The following EPB41L3 variants were observed in gnomAD, a reference collection of about 807,000 sequenced individuals.
The protein encoded by EPB41L3 is band 4.1-like protein 3.
In EPB41L3, 57 loss-of-function variants were observed where a neutral mutation model predicts 127.1. The ratio of observed to expected loss-of-function variants is 0.45; its 90% CI spans 0.36 to 0.56. The LOEUF is 0.56. Ranked by LOEUF, EPB41L3 falls within the 20% of genes least tolerant of loss-of-function variation. The pLI, the probability that EPB41L3 is intolerant of heterozygous loss-of-function variation, is 0.00. For missense variants in EPB41L3, 1,273 were observed against 1,372.2 expected (o/e 0.93, Z 1.14); for synonymous variants, 572 against 549.5 (o/e 1.04, Z -0.57).
At chr18:5,531,896 G>C (rs1168894147) in intron 1 of EPB41L3, among the ~76,000 whole-genome samples, 1 of 152,130 alleles carries the variant, frequency 6.6e-6, no homozygotes, top group African/African-American at 2.4e-5. Flanking sequence ...ACTGAGCTTA[G>C]AAAAGAAAGA....
In EPB41L3 at chr18:5,489,111, C is replaced by CG; in HGVS notation, c.72_73insC (p.Ala25ArgfsTer40). On this transcript the variant is annotated frameshift_variant, in exon 2 of 23. Transcript: ENST00000341928. LOFTEE classifies it high-confidence loss of function. ...ACGGGCGCCCCCGCGCGCCCCTGCG[C>CG]CCCCGCCGCCTCCTGGGGCTCGGCC... 1 of 1,594,620 alleles carries CG rather than the reference C, an allele frequency of 6.3e-7. No individual in the cohort carries two copies. Among genetic ancestry groups the CG allele is most frequent in the South Asian group, 1.1e-5 (1 of 89,388 alleles).
intron 1 of EPB41L3, among the ~76,000 whole-genome samples, chr18:5,538,546 T>C (rs1004616065): frequency 6.6e-6 from 1 of 152,232 alleles, no homozygotes; most frequent in Non-Finnish European, 1.5e-5. Context: ...TTTGAGGATG[T>C]AAACACAGGC....
intron 1 of EPB41L3, among the ~76,000 whole-genome samples, chr18:5,525,661 ATAT>A (rs1212831395): frequency 6.6e-6 from 1 of 152,230 alleles, no homozygotes; most frequent in African/African-American, 2.4e-5. Flanking sequence ...TATTATAGAC[ATAT>A]TATAATACAT....
At chr18:5,398,911 C>T (rs1027446009) in intron 16 of EPB41L3, 1 of 398,996 alleles carries the variant, frequency 2.5e-6, no homozygotes, top group Admixed American at 4.4e-5. Flanking sequence ...GACTCGGCCT[C>T]CTTGATGGGG....
At chr18:5,625,229 A>T (rs2094909587) in intron 1 of EPB41L3, among the ~76,000 whole-genome samples, 1 of 152,100 alleles carries the variant, frequency 6.6e-6, no homozygotes, top group Non-Finnish European at 1.5e-5. Flanking sequence ...AACTGGAAGC[A>T]GAAGTTAGGA....
chr18:5,504,246 C>G (rs994069264), intron 1 of EPB41L3, among the ~76,000 whole-genome samples: 1 of 152,162 alleles, frequency 6.6e-6, no homozygotes, highest in Non-Finnish European at 1.5e-5. Context: ...TTGCTGAACA[C>G]TCACCCTGAG....
intron 13 of EPB41L3, among the ~76,000 whole-genome samples, chr18:5,415,469 A>G (rs987262152): frequency 6.6e-6 from 1 of 152,154 alleles, no homozygotes; most frequent in African/African-American, 2.4e-5. Context: ...CTTATATGTG[A>G]TTTACCTTAT....
intron 1 of EPB41L3, among the ~76,000 whole-genome samples, chr18:5,541,925 CTAAA>C (rs1047260273): frequency 1.3e-5 from 2 of 152,224 alleles, no homozygotes; most frequent in African/African-American, 4.8e-5. Flanking sequence ...AGTGTATTAA[CTAAA>C]TAAACTTGAT....
chr18:5,445,871 T>C (rs1157197457), intron 3 of EPB41L3, among the ~76,000 whole-genome samples: 2 of 152,190 alleles, frequency 1.3e-5, no homozygotes, highest in Admixed American at 1.3e-4. Context: ...TGCGCGCTCC[T>C]TATGAGAATC....
At chr18:5,472,106 A>G (rs2086253106) in intron 3 of EPB41L3, among the ~76,000 whole-genome samples, 1 of 152,158 alleles carries the variant, frequency 6.6e-6, no homozygotes, top group Admixed American at 6.6e-5. Flanking sequence ...GTCTACACTC[A>G]TGATGGACTA....
chr18:5,536,851 C>G (rs2093589715), intron 1 of EPB41L3, among the ~76,000 whole-genome samples: 1 of 151,796 alleles, frequency 6.6e-6, no homozygotes, highest in South Asian at 2.1e-4. Context: ...ACAAACGAAA[C>G]AAACAAACAA....
At chr18:5,627,843 A>G (rs1432582212) in intron 1 of EPB41L3, among the ~76,000 whole-genome samples, 1 of 152,222 alleles carries the variant, frequency 6.6e-6, no homozygotes, top group Non-Finnish European at 1.5e-5. Flanking sequence ...TCTGCTCCTC[A>G]GTACTGAGAA....
chr18:5,399,295 C>T lies in EPB41L3; in HGVS notation c.2350-1152G>A, dbSNP rs1391504450. 3.5e-5 allele frequency: 14 copies of T among 398,958 alleles called. No individual in the cohort carries two copies. In the Admixed American group the frequency reaches 4.0e-4, roughly 11 times the overall value. The allele number at this position is 398,958 out of a possible 1,614,324, so 24.7% of individuals were successfully genotyped here. ...GGGAGATCACCAGTTTTACTGCTCA[C>T]GGTCACCACCTTGTAAGTCACAATC... is the stretch of plus-strand genomic sequence containing the variant. On this transcript the variant is annotated intron_variant, in intron 16 of 22. Transcript: ENST00000341928.
At chr18:5,488,106 A>C (rs2090073181) in intron 2 of EPB41L3, among the ~76,000 whole-genome samples, 1 of 152,202 alleles carries the variant, frequency 6.6e-6, no homozygotes. Context: ...CCATACTTTA[A>C]AACTTTTAAA....
intron 3 of EPB41L3, among the ~76,000 whole-genome samples, chr18:5,591,800 C>T (rs914983564): frequency 1.3e-5 from 2 of 152,138 alleles, no homozygotes; most frequent in Non-Finnish European, 2.9e-5. Context: ...TCAACAAAAA[C>T]TTTCAAAATA....
rs532023685 is a variant in EPB41L3 at position 5,421,203 on chromosome 18, C to A, written c.1340-1326G>T. 2.0e-5 allele frequency among the ~76,000 whole-genome samples: 3 copies of A among 152,286 alleles called. No individual in the cohort carries two copies. In the South Asian group the frequency reaches 6.2e-4, roughly 32 times the overall value. On this transcript the variant is annotated intron_variant, in intron 11 of 22. Coordinates refer to ENST00000341928, the MANE Select transcript of EPB41L3 (RefSeq NM_012307.5). ...CACTGATTTCACAATTGTCTTCTGT[C>A]TTCTCAGCAGTCATTATCACACTAA...
In EPB41L3 at chr18:5,397,372, G is replaced by A. The variant is rs377637300; in HGVS notation, c.2527C>T (p.His843Tyr). 5 of 1,613,778 alleles carry A rather than the reference G, an allele frequency of 3.1e-6. No homozygotes were observed. In the African/African-American group the frequency reaches 5.3e-5, roughly 17 times the overall value. Reference protein sequence around the residue: ...SGIETEPTVHHLPLSTEKVVQ... With the variant: ...SGIETEPTVHYLPLSTEKVVQ... ...ACCTTCTCAGTGCTAAGCGGCAGGT[G>A]GTGCACGGTGGGTTCCGTCTCTATT... The change falls in exon 18 of 23, where the codon CAC becomes TAC. Residue 843 changes from histidine (H) to tyrosine (Y), a missense_variant. His to Tyr is a moderately conservative substitution (Grantham distance 83). Transcript: ENST00000341928. The surrounding 1 kb of genome is among the most constrained non-coding windows in gnomAD (Gnocchi z 4.1).
intron 13 of EPB41L3, 54 bp downstream of exon 13, chr18:5,415,764 C>T (rs539927952): frequency 2.2e-5 from 34 of 1,537,364 alleles, no homozygotes; most frequent in Admixed American, 7.1e-5. Context: ...AACACTGTTT[C>T]GGACTCAAGC....
chr18:5,533,621 A>T (rs1295822024), intron 1 of EPB41L3, among the ~76,000 whole-genome samples: 3 of 152,204 alleles, frequency 2.0e-5, no homozygotes, highest in Non-Finnish European at 4.4e-5. Context: ...ATTTACTCAT[A>T]GAAGCATCTC....
Sources: gnomAD v4.1 joint callset for allele counts (sites outside exome capture counted in the v4.1 genomes callset) on GRCh38, gnomAD v4.1.1 for gene constraint, Gnocchi (gnomAD v3.1) non-coding constraint, MANE v1.5 for transcripts, NCBI Gene and HGNC (gene_info 2026-07-23, HGNC 2026-07-21) for gene names.